TBC1D5: variants seen among roughly 807,000 people sequenced by gnomAD.
TBC1D5 encodes TBC1 domain family member 5.
Under a neutral mutation model 100.3 loss-of-function variants are expected in TBC1D5, and 75 were observed. The ratio of observed to expected loss-of-function variants is 0.75; its 90% CI spans 0.62 to 0.91. The LOEUF (loss-of-function observed/expected upper bound fraction) is 0.91, where lower values mean the gene tolerates loss of function less well. Among genes scored for constraint, TBC1D5 ranks in the 40% least tolerant of loss-of-function variants. The pLI is 0.00. For missense variants in TBC1D5, 910 were observed against 942.4 expected (o/e 0.97, Z 0.45); for synonymous variants, 323 against 325.6 (o/e 0.99, Z 0.09).
At chr3:17,528,487 C>T in intron 2 of TBC1D5, among the ~76,000 whole-genome samples, 1 of 152,168 alleles carries the variant, frequency 6.6e-6, no homozygotes, top group East Asian at 1.9e-4. Flanking sequence ...CACTTCCTAG[C>T]CTCCAGAATT....
intron 16 of TBC1D5, among the ~76,000 whole-genome samples, chr3:17,245,098 T>C (rs1576242032): frequency 7.7e-6 from 1 of 129,836 alleles, no homozygotes; most frequent in Non-Finnish European, 1.6e-5. Flanking sequence ...GGGGCTAAGG[T>C]GGGAGAACTG....
At chr3:17,269,872 C>T (rs1194872442) in intron 15 of TBC1D5, among the ~76,000 whole-genome samples, 2 of 152,130 alleles carry the variant, frequency 1.3e-5, no homozygotes, top group Non-Finnish European at 2.9e-5. Flanking sequence ...ATATGTACCA[C>T]ATTTTCTTTA....
rs765918621 is a variant in TBC1D5 at position 17,508,522 on chromosome 3, G to C, written c.49C>G (p.Gln17Glu). 6.2e-7 allele frequency: 1 copy of C among 1,613,706 alleles called. No individual in the cohort carries two copies. The highest frequency in any genetic ancestry group is 1.7e-5 in the Admixed American group (1 of 60,016). ...GACAAGGGGTCAATGCCTACTTCTTGTTCTTCTGGCTGCAGAGGATGTCTA... is the reference window on the plus strand; with the variant it reads ...GACAAGGGGTCAATGCCTACTTCTTCTTCTTCTGGCTGCAGAGGATGTCTA... The change falls in exon 3 of 22, where the codon CAA becomes GAA. Residue 17 changes from glutamine (Q) to glutamate (E), a missense_variant. Gln to Glu is a conservative substitution (Grantham distance 29, BLOSUM62 2). Coordinates refer to ENST00000253692, the Ensembl canonical transcript of TBC1D5.
At chr3:17,483,701 T>A (rs2095526544) in intron 3 of TBC1D5, among the ~76,000 whole-genome samples, 4 of 152,130 alleles carry the variant, frequency 2.6e-5, no homozygotes, top group Admixed American at 2.6e-4. Context: ...GGTATAGAAA[T>A]GTGTTAGATA....
chr3:17,563,762 T>C (rs1430659034), intron 2 of TBC1D5, among the ~76,000 whole-genome samples: 2 of 152,042 alleles, frequency 1.3e-5, no homozygotes, highest in Admixed American at 1.3e-4. Context: ...TTGTTGTTGT[T>C]GTTTTTGTTT....
At chr3:17,399,162 G>C (rs530826821) in intron 8 of TBC1D5, among the ~76,000 whole-genome samples, 2 of 152,192 alleles carry the variant, frequency 1.3e-5, no homozygotes, top group African/African-American at 4.8e-5. Context: ...AGGGAACTGG[G>C]TATGTATTAG....
chr3:17,375,877 G>A (rs1046200092), intron 10 of TBC1D5, among the ~76,000 whole-genome samples: 3 of 152,058 alleles, frequency 2.0e-5, no homozygotes, highest in African/African-American at 7.2e-5. Flanking sequence ...TAGATGCGCT[G>A]GCCTGATGAA....
chr3:17,535,422 A>C (rs116343183), intron 2 of TBC1D5, among the ~76,000 whole-genome samples: 1 of 152,140 alleles, frequency 6.6e-6, no homozygotes, highest in Non-Finnish European at 1.5e-5. Context: ...TGACAATACA[A>C]TTGCTGAAAA....
At chr3:17,196,118 A>G (rs1365919125) in intron 18 of TBC1D5, among the ~76,000 whole-genome samples, 1 of 152,242 alleles carries the variant, frequency 6.6e-6, no homozygotes, top group African/African-American at 2.4e-5. Flanking sequence ...AGATACAGTG[A>G]CAAGCGCCTG....
intron 2 of TBC1D5, among the ~76,000 whole-genome samples, chr3:17,605,382 TAGCTGAACTCAGTC>T (rs1440039602): frequency 6.6e-6 from 1 of 152,212 alleles, no homozygotes; most frequent in African/African-American, 2.4e-5. Flanking sequence ...CCTCAAATCT[TAGCTGAACTCAGTC>T]ATAAGTAATG....
At chr3:17,560,701 T>A (rs2096553091) in intron 2 of TBC1D5, among the ~76,000 whole-genome samples, 1 of 151,632 alleles carries the variant, frequency 6.6e-6, no homozygotes, top group Non-Finnish European at 1.5e-5. Context: ...GGCAGGTGGA[T>A]CATGAGGTCA....
intron 15 of TBC1D5, among the ~76,000 whole-genome samples, chr3:17,272,631 C>T (rs1464614956): frequency 6.6e-6 from 1 of 152,246 alleles, no homozygotes; most frequent in East Asian, 1.9e-4. Context: ...AGTAGTTTGG[C>T]CAAAGTTATA....
rs532604198 is a variant in TBC1D5 at position 17,738,382 on chromosome 3, TAC to T, written c.-101+959_-101+960del. On this transcript the variant is annotated intron_variant, in intron 1 of 21. Transcript: ENST00000253692. ...AGGGCTTTAAACACACACTCACACA[TAC>T]ACACACACACACACACACTCTCTCT... Among the ~76,000 whole-genome samples the T allele has an allele frequency of 2.0e-3, 306 of 149,890 alleles. 2 individuals carry two copies. The highest frequency in any genetic ancestry group is 4.2e-3 in the African/African-American group (172 of 41,044).
intron 15 of TBC1D5, among the ~76,000 whole-genome samples, chr3:17,281,624 T>A (rs1477484618): frequency 6.6e-6 from 1 of 152,240 alleles, no homozygotes; most frequent in Non-Finnish European, 1.5e-5. Flanking sequence ...TTGAACTGGA[T>A]GAAATATACT....
In TBC1D5 at chr3:17,619,925, C is replaced by T. The variant is rs568137051; in HGVS notation, c.-36+3924G>A. Among the ~76,000 whole-genome samples, 532 of 152,346 alleles carry T rather than the reference C, an allele frequency of 3.5e-3. 4 individuals carry two copies. The highest frequency in any genetic ancestry group is 0.012 in the African/African-American group (504 of 41,578). Reference sequence around the variant, plus strand: ...ATATGAAAAGACATTCAAATCCACACATAAAAGATGAATGCAAATTAAATG... The same window carrying T: ...ATATGAAAAGACATTCAAATCCACATATAAAAGATGAATGCAAATTAAATG... On this transcript the variant is annotated intron_variant, in intron 2 of 21. Coordinates refer to ENST00000253692, the Ensembl canonical transcript of TBC1D5.
chr3:17,261,798 C>T (rs887365548), intron 15 of TBC1D5, among the ~76,000 whole-genome samples: 1 of 151,734 alleles, frequency 6.6e-6, no homozygotes, highest in African/African-American at 2.4e-5. Context: ...GCTGTTATTA[C>T]ATGTGTGAGA....
At chr3:17,643,848 T>C (rs2064768196) in intron 1 of TBC1D5, among the ~76,000 whole-genome samples, 1 of 152,132 alleles carries the variant, frequency 6.6e-6, no homozygotes, top group Non-Finnish European at 1.5e-5. Context: ...TGCATCACGA[T>C]GCATATTTAA....
chr3:17,421,328 G>C (rs1437813016), intron 4 of TBC1D5, among the ~76,000 whole-genome samples: 1 of 152,134 alleles, frequency 6.6e-6, no homozygotes, highest in Non-Finnish European at 1.5e-5. Flanking sequence ...TCTCTGAAGT[G>C]ATCATTTAAC....
chr3:17,369,339 G>C (rs2092345865), intron 13 of TBC1D5, among the ~76,000 whole-genome samples: 1 of 152,138 alleles, frequency 6.6e-6, no homozygotes. Context: ...GACAAATAAT[G>C]ATAATAAAGG....
Sources: allele counts gnomAD v4.1 joint callset (sites outside exome capture counted in the v4.1 genomes callset), GRCh38; gene constraint gnomAD v4.1.1; transcripts MANE v1.5; gene names NCBI Gene and HGNC (gene_info 2026-07-23, HGNC 2026-07-21).